Variants in CNTNAP2 observed in about 807,000 individuals in gnomAD.
CNTNAP2 encodes the protein contactin associated protein 2, also known as contactin-associated protein-like 2.
In CNTNAP2, 98 loss-of-function variants were observed where a neutral mutation model predicts 155.2. The ratio of observed to expected loss-of-function variants is 0.63; its 90% CI spans 0.54 to 0.75. The LOEUF (loss-of-function observed/expected upper bound fraction) is 0.75. Ranked by LOEUF, CNTNAP2 falls within the 30% of genes least tolerant of loss-of-function variation. CNTNAP2 has a pLI of 0.00. For synonymous variants in CNTNAP2, 651 were observed against 631.2 expected, an observed-to-expected ratio of 1.03 and a Z score of -0.47; for missense variants, 1,727 against 1,688.1, an observed-to-expected ratio of 1.02 and a Z score of -0.40.
At chr7:146,932,593 T>C (rs371327578) in intron 3 of CNTNAP2, among the ~76,000 whole-genome samples, 189 of 152,058 alleles carry the variant, frequency 1.2e-3, no homozygotes, top group African/African-American at 3.1e-3. Context: ...CCAGGGCAAT[T>C]AGGCAGGAGA....
chr7:147,425,278 A>G (rs1368522705), intron 10 of CNTNAP2, among the ~76,000 whole-genome samples: 1 of 152,106 alleles, frequency 6.6e-6, no homozygotes, highest in African/African-American at 2.4e-5. Flanking sequence ...TAAAAAAAAA[A>G]AAATCACTGT....
chr7:147,048,479 G>A (rs541671343), intron 4 of CNTNAP2, among the ~76,000 whole-genome samples: 2 of 152,242 alleles, frequency 1.3e-5, no homozygotes, highest in East Asian at 3.9e-4. Context: ...GTTATTTTAA[G>A]CCACTAAGTT....
intron 21 of CNTNAP2, among the ~76,000 whole-genome samples, chr7:148,375,566 G>A (rs1798968163): frequency 6.7e-6 from 1 of 150,354 alleles, no homozygotes; most frequent in African/African-American, 2.4e-5. Flanking sequence ...TCACCATGTT[G>A]GCCAGGCTGG....
At chr7:148,065,326 T>A (rs1803235741) in intron 15 of CNTNAP2, among the ~76,000 whole-genome samples, 1 of 152,186 alleles carries the variant, frequency 6.6e-6, no homozygotes, top group African/African-American at 2.4e-5. Flanking sequence ...AGGATATAGT[T>A]TAAGTCCATT....
intron 22 of CNTNAP2, among the ~76,000 whole-genome samples, chr7:148,388,893 G>T (rs1332769501): frequency 1.3e-5 from 2 of 152,166 alleles, no homozygotes; most frequent in African/African-American, 2.4e-5. Context: ...TCCTCTGGAA[G>T]TTTTGTCTCA....
chr7:147,475,063 G>A (rs1454629031), intron 10 of CNTNAP2, among the ~76,000 whole-genome samples: 2 of 152,146 alleles, frequency 1.3e-5, no homozygotes, highest in African/African-American at 4.8e-5. Flanking sequence ...AGTACACATA[G>A]ATCTGCGTTG....
rs74618255 is a variant in CNTNAP2 at position 147,051,062 on chromosome 7, C to T, written c.550+7008C>T. 2.6e-5 allele frequency among the ~76,000 whole-genome samples: 4 copies of T among 151,954 alleles called. No homozygotes were observed. In the East Asian group the frequency reaches 7.7e-4, roughly 29 times the overall value. ...AGGATCTACCCTAAACCAGGATGAC[C>T]TTATCTTAACAAGCTATATCCACAA... On this transcript the variant is annotated intron_variant, in intron 4 of 23. Coordinates refer to ENST00000361727, the MANE Select transcript of CNTNAP2 (RefSeq NM_014141.6).
intron 22 of CNTNAP2, among the ~76,000 whole-genome samples, chr7:148,390,074 G>GA (rs939386487): frequency 2.0e-5 from 3 of 152,098 alleles, no homozygotes; most frequent in African/African-American, 7.2e-5. Context: ...GTTACCAAAA[G>GA]AAAAAACTGA....
At chr7:146,751,836 T>C (rs529565130) in intron 1 of CNTNAP2, among the ~76,000 whole-genome samples, 52 of 152,062 alleles carry the variant, frequency 3.4e-4, no homozygotes, top group Non-Finnish European at 6.8e-4. Flanking sequence ...CCTTGTGTTC[T>C]CATTGTTCAC....
intron 11 of CNTNAP2, among the ~76,000 whole-genome samples, chr7:147,529,582 A>G (rs1799393520): frequency 6.6e-6 from 1 of 151,508 alleles, no homozygotes; most frequent in African/African-American, 2.4e-5. Context: ...TTGTTTGTTT[A>G]TGAAGTCAAA....
chr7:146,756,954 C>T (rs1167184161), intron 1 of CNTNAP2, among the ~76,000 whole-genome samples: 1 of 151,978 alleles, frequency 6.6e-6, no homozygotes, highest in Non-Finnish European at 1.5e-5. Context: ...ATTTCTAATC[C>T]ACCCCACAGT....
chr7:148,408,040 T>A (rs1307790283), intron 22 of CNTNAP2, among the ~76,000 whole-genome samples: 1 of 151,834 alleles, frequency 6.6e-6, no homozygotes, highest in African/African-American at 2.4e-5. Flanking sequence ...AGATCAGGAG[T>A]TTGAGACCAG....
chr7:148,018,475 C>G (rs1185027244), intron 15 of CNTNAP2, among the ~76,000 whole-genome samples: 1 of 152,054 alleles, frequency 6.6e-6, no homozygotes, highest in Non-Finnish European at 1.5e-5. Context: ...AAACCAAGTA[C>G]TAACAGCTAA....
At chr7:147,556,242 A>AT (rs1799950251) in intron 11 of CNTNAP2, among the ~76,000 whole-genome samples, 1 of 148,188 alleles carries the variant, frequency 6.7e-6, no homozygotes, top group Non-Finnish European at 1.5e-5. Context: ...CTGGAAGCAC[A>AT]TTAGTTGCTT....
chr7:147,842,032 G>T (rs561708796), intron 13 of CNTNAP2, among the ~76,000 whole-genome samples: 1 of 151,840 alleles, frequency 6.6e-6, no homozygotes, highest in South Asian at 2.1e-4. Context: ...GCCATTAATT[G>T]TTTATTATCA....
chr7:147,598,581 G>A (rs1028302584), intron 12 of CNTNAP2, among the ~76,000 whole-genome samples: 18 of 152,044 alleles, frequency 1.2e-4, no homozygotes, highest in Admixed American at 3.3e-4. Context: ...ATCCTCATTT[G>A]TAAGCCTCTG....
intron 1 of CNTNAP2, among the ~76,000 whole-genome samples, chr7:146,454,334 T>A (rs1248587488): frequency 6.6e-6 from 1 of 152,182 alleles, no homozygotes; most frequent in African/African-American, 2.4e-5. Context: ...AGGTGACATA[T>A]AACAAATAAC....
At chr7:146,680,796 A>G (rs1176726269) in intron 1 of CNTNAP2, among the ~76,000 whole-genome samples, 1 of 152,194 alleles carries the variant, frequency 6.6e-6, no homozygotes, top group Non-Finnish European at 1.5e-5. Context: ...TCCGGGACAT[A>G]CTAGAAAGAA....
intron 13 of CNTNAP2, among the ~76,000 whole-genome samples, chr7:147,868,049 G>T (rs528942745): frequency 2.0e-5 from 3 of 150,914 alleles, no homozygotes; most frequent in Non-Finnish European, 4.4e-5. Flanking sequence ...TAGAATTTTC[G>T]GTTTTTCTGC....
Sources: gnomAD v4.1 joint callset for allele counts (sites outside exome capture counted in the v4.1 genomes callset) on GRCh38, gnomAD v4.1.1 for gene constraint, MANE v1.5 for transcripts, NCBI Gene and HGNC (gene_info 2026-07-23, HGNC 2026-07-21) for gene names.